The following JAZF1 variants were observed in gnomAD, a reference collection of about 807,000 sequenced individuals.
JAZF1 encodes JAZF zinc finger 1, also known as juxtaposed with another zinc finger protein 1.
JAZF1 carries 8 observed loss-of-function variants against 26.4 expected under a neutral mutation model. The ratio of observed to expected loss-of-function variants is 0.30; its 90% CI spans 0.18 to 0.55. The LOEUF (loss-of-function observed/expected upper bound fraction) is 0.55, where lower values mean the gene tolerates loss of function less well. Ranked by LOEUF, JAZF1 falls within the 20% of genes least tolerant of loss-of-function variation. The pLI, the probability that JAZF1 is intolerant of heterozygous loss-of-function variation, is 0.94. For synonymous variants in JAZF1, 126 were observed against 122.3 expected (o/e 1.03, Z -0.20); for missense variants, 199 against 322.0 (o/e 0.62, Z 2.92).
chr7:28,076,709 CAAA>C lies in JAZF1; in HGVS notation c.116-84731_116-84729del, dbSNP rs34918786. On this transcript the variant is annotated intron_variant, in intron 1 of 4. Transcript: ENST00000283928. Reference sequence around the variant, plus strand: ...ACACAATTGCTGTCTTTCTCTCTCTCAAAAAAAAAAAAAAAAAAAAATCCCGTG... The same window carrying C: ...ACACAATTGCTGTCTTTCTCTCTCTCAAAAAAAAAAAAAAAAAATCCCGTG... Among the ~76,000 whole-genome samples the C allele has an allele frequency of 6.3e-3, 618 of 97,406 alleles. 4 individuals are homozygous for C. The highest frequency in any genetic ancestry group is 0.027 in the East Asian group (99 of 3,656). 63.9% of individuals were successfully genotyped at this position (97,406 alleles called of 152,430 possible). A position where few individuals can be genotyped will look rare whatever the true frequency, so the allele number is the denominator to read the frequency against.
intron 3 of JAZF1, chr7:27,842,702 T>C (rs1032694577): frequency 6.6e-6 from 1 of 152,228 alleles, no homozygotes; most frequent in Non-Finnish European, 1.5e-5. Context: ...AAGTAGGGCA[T>C]TGTTTAAGAC....
In JAZF1 at chr7:27,984,046, CA is replaced by C. The variant is rs555463098; in HGVS notation, c.188+7862del. Among the ~76,000 whole-genome samples the C allele has an allele frequency of 2.2e-3, 342 of 152,328 alleles. 1 individual carries two copies. The highest frequency in any genetic ancestry group is 3.4e-3 in the Non-Finnish European group (233 of 68,028). Reference sequence around the variant, plus strand: ...GCCAGGAAGAAACTGCATCAACTAACAAGCAAAATAACCAGCTAACATCATA... The same window carrying C: ...GCCAGGAAGAAACTGCATCAACTAACAGCAAAATAACCAGCTAACATCATA... On this transcript the variant is annotated intron_variant, in intron 2 of 4. Transcript: ENST00000283928.
chr7:27,964,536 C>A (rs2128358039), intron 2 of JAZF1, among the ~76,000 whole-genome samples: 1 of 151,956 alleles, frequency 6.6e-6, no homozygotes, highest in African/African-American at 2.4e-5. Context: ...AACCACTGAA[C>A]CTAAAATATT....
intron 2 of JAZF1, among the ~76,000 whole-genome samples, chr7:27,914,055 TGAGA>T (rs780689497): frequency 6.6e-6 from 1 of 152,106 alleles, no homozygotes; most frequent in Admixed American, 6.5e-5. Context: ...GCGGGAGAAC[TGAGA>T]GAGAACAAAT....
intron 1 of JAZF1, among the ~76,000 whole-genome samples, chr7:28,162,098 A>C (rs189520698): frequency 6.6e-6 from 1 of 152,358 alleles, no homozygotes; most frequent in Admixed American, 6.5e-5. Flanking sequence ...TATTCAAAGG[A>C]AAGGCAAAGT....
At chr7:27,875,106 T>C (rs989193194) in intron 3 of JAZF1, among the ~76,000 whole-genome samples, 21 of 152,162 alleles carry the variant, frequency 1.4e-4, no homozygotes, top group Admixed American at 8.5e-4. Context: ...TTCTAAAAGA[T>C]AGTCCTTGAC....
At chr7:27,866,627 T>C (rs1247093427) in intron 3 of JAZF1, among the ~76,000 whole-genome samples, 7 of 152,236 alleles carry the variant, frequency 4.6e-5, no homozygotes, top group Non-Finnish European at 1.0e-4. Context: ...ATTAAATGTC[T>C]GGATTTGAAC....
intron 1 of JAZF1, among the ~76,000 whole-genome samples, chr7:28,168,644 C>G (rs1435682281): frequency 6.6e-6 from 1 of 152,112 alleles, no homozygotes; most frequent in Non-Finnish European, 1.5e-5. Context: ...ACTCTTTCAC[C>G]ACCACAGGTG....
intron 1 of JAZF1, among the ~76,000 whole-genome samples, chr7:28,083,015 A>C (rs1321089467): frequency 1.3e-5 from 2 of 152,216 alleles, no homozygotes; most frequent in Non-Finnish European, 2.9e-5. Context: ...TCCCTCATGG[A>C]AACACATTTT....
At chr7:28,158,644 G>A (rs974359260) in intron 1 of JAZF1, among the ~76,000 whole-genome samples, 3 of 152,312 alleles carry the variant, frequency 2.0e-5, no homozygotes, top group Non-Finnish European at 4.4e-5. Flanking sequence ...AGAATTCTCA[G>A]ATATAAAGGA....
chr7:27,908,394 G>A (rs190930369), intron 2 of JAZF1, among the ~76,000 whole-genome samples: 48 of 152,358 alleles, frequency 3.2e-4, no homozygotes, highest in African/African-American at 8.7e-4. Flanking sequence ...GCATGTGCAT[G>A]TGGGCATCTC....
At chr7:27,891,189 TGTA>T (rs1451121119) in intron 3 of JAZF1, among the ~76,000 whole-genome samples, 1 of 152,258 alleles carries the variant, frequency 6.6e-6, no homozygotes, top group Non-Finnish European at 1.5e-5. Flanking sequence ...TTCTCTATTA[TGTA>T]AACCAGGGGT....
chr7:28,095,038 G>C (rs181808004), intron 1 of JAZF1, among the ~76,000 whole-genome samples: 6 of 152,158 alleles, frequency 3.9e-5, no homozygotes, highest in African/African-American at 1.4e-4. Context: ...TGTACCCCAA[G>C]GGTGTGCCAT....
chr7:27,877,792 G>A (rs1002180000), intron 3 of JAZF1, among the ~76,000 whole-genome samples: 20 of 152,100 alleles, frequency 1.3e-4, no homozygotes, highest in African/African-American at 2.9e-4. Context: ...GTTTTTTCAC[G>A]TCTACGTTAT....
chr7:27,885,189 A>G lies in JAZF1; in HGVS notation c.385+10031T>C, dbSNP rs150067462. Among the ~76,000 whole-genome samples the G allele has an allele frequency of 1.5e-3, 236 of 152,308 alleles. 1 individual carries two copies. The highest frequency in any genetic ancestry group is 5.3e-3 in the African/African-American group (221 of 41,574). ...GAAATGTAAAAGTACCCCAAATTGG[A>G]TAGCACAAAGGGGTGTCCCCCCATT... On this transcript the variant is annotated intron_variant, in intron 3 of 4. Transcript: ENST00000283928.
At chr7:28,020,859 A>G (rs73683934) in intron 1 of JAZF1, 17,377 of 364,912 alleles carry the variant, frequency 0.048, 850 homozygotes, top group African/African-American at 0.15. Context: ...GCAGCTGCTC[A>G]GAGCTTTCAA....
intron 3 of JAZF1, among the ~76,000 whole-genome samples, chr7:27,878,389 C>CACA (rs1783716936): frequency 6.6e-6 from 1 of 151,366 alleles, no homozygotes; most frequent in South Asian, 2.1e-4. Flanking sequence ...CACACACACA[C>CACA]CCCATTTCCC....
chr7:27,920,732 G>T (rs548083395), intron 2 of JAZF1, among the ~76,000 whole-genome samples: 1 of 152,070 alleles, frequency 6.6e-6, no homozygotes, highest in South Asian at 2.1e-4. Context: ...CCCCACTTCC[G>T]CCGACAACAG....
intron 2 of JAZF1, among the ~76,000 whole-genome samples, chr7:27,981,307 C>T (rs566578380): frequency 2.0e-4 from 31 of 152,216 alleles, no homozygotes; most frequent in South Asian, 6.2e-4. Context: ...GAGGAAACAA[C>T]CAAGAGAAAA....
Sources: gnomAD v4.1 joint callset for allele counts (sites outside exome capture counted in the v4.1 genomes callset) on GRCh38, gnomAD v4.1.1 for gene constraint, MANE v1.5 for transcripts, NCBI Gene and HGNC (gene_info 2026-07-23, HGNC 2026-07-21) for gene names.